Variants in GLYR1 observed in about 807,000 individuals in gnomAD.
GLYR1 encodes glyoxylate reductase 1 homolog, also known as cytokine-like nuclear factor N-PAC.
A neutral mutation model predicts 72.7 loss-of-function variants in GLYR1; 21 were observed. The observed-to-expected ratio is 0.29, with a 90% confidence interval of 0.20 to 0.42. GLYR1 has a LOEUF of 0.42. Among genes scored for constraint, GLYR1 ranks in the 10% least tolerant of loss-of-function variants. The pLI is 1.00. For synonymous variants in GLYR1, 392 were observed against 270.2 expected (o/e 1.45, Z -4.42); for missense variants, 594 against 712.1 (o/e 0.83, Z 1.89).
At chr16:4,822,759 C>T (rs11861487) in intron 7 of GLYR1, 116 bp downstream of exon 7, 116,979 of 836,862 alleles carry the variant, frequency 0.14, 9,379 homozygotes, top group East Asian at 0.23. Context: ...GGGCTAGTTG[C>T]TCTGGGCAAT....
intron 9 of GLYR1, 86 bp from the exon 10 acceptor site, chr16:4,817,783 T>C: frequency 2.4e-6 from 2 of 840,046 alleles, no homozygotes; most frequent in Non-Finnish European, 4.1e-6. Context: ...GCTCGCTCCC[T>C]TATACAGCTT....
intron 3 of GLYR1, among the ~76,000 whole-genome samples, chr16:4,842,667 T>G (rs1334793866): frequency 6.9e-6 from 1 of 145,682 alleles, no homozygotes; most frequent in African/African-American, 2.6e-5. Flanking sequence ...AGCCTAGAAT[T>G]AACAATTATC....
At chr16:4,835,391 T>C (rs1231150533) in intron 3 of GLYR1, among the ~76,000 whole-genome samples, 1 of 152,210 alleles carries the variant, frequency 6.6e-6, no homozygotes, top group African/African-American at 2.4e-5. Context: ...TACTAAAATT[T>C]TCCTCTTTAC....
At chr16:4,835,960 T>A (rs1485489635) in intron 3 of GLYR1, among the ~76,000 whole-genome samples, 3 of 152,192 alleles carry the variant, frequency 2.0e-5, no homozygotes, top group African/African-American at 7.2e-5. Flanking sequence ...ACTTCTTTCA[T>A]CTTTTTTAAA....
intron 3 of GLYR1, among the ~76,000 whole-genome samples, chr16:4,834,137 G>A (rs2084969630): frequency 6.6e-6 from 1 of 152,070 alleles, no homozygotes; most frequent in Non-Finnish European, 1.5e-5. Context: ...TTGTGATAAT[G>A]GGGTCTGTGC....
At chr16:4,823,057 C>G in intron 6 of GLYR1, 126 bp from the exon 7 acceptor site, 1 of 804,598 alleles carries the variant, frequency 1.2e-6, no homozygotes, top group Non-Finnish European at 2.1e-6. Flanking sequence ...TCACAATTGT[C>G]TGGAAACTCT....
At chr16:4,837,043 G>A (rs770752506) in intron 3 of GLYR1, among the ~76,000 whole-genome samples, 1 of 152,130 alleles carries the variant, frequency 6.6e-6, no homozygotes, top group Non-Finnish European at 1.5e-5. Flanking sequence ...ATACAGAACC[G>A]CCACTAAGGC....
chr16:4,841,765 A>G (rs1390520958), intron 3 of GLYR1, among the ~76,000 whole-genome samples: 3 of 152,186 alleles, frequency 2.0e-5, no homozygotes, highest in African/African-American at 7.2e-5. Context: ...TCATTTAGCT[A>G]ATGAAGTTTG....
At chr16:4,808,421 A>G (rs1244436662) in intron 15 of GLYR1, among the ~76,000 whole-genome samples, 3 of 151,802 alleles carry the variant, frequency 2.0e-5, no homozygotes, top group Non-Finnish European at 4.4e-5. Context: ...ACATGGTGAA[A>G]CCGTATCTCT....
chr16:4,845,173 A>G lies in GLYR1; in HGVS notation c.76-20T>C, dbSNP rs1466119433. On this transcript the variant is annotated intron_variant, in intron 2 of 15. Transcript: ENST00000321919. ...AACAATCTGGAGGATAAAAGGGGGG[A>G]AAAAGGTTGGCTGGCAACACAGCAG... 2 of 1,576,334 alleles carry G rather than the reference A, an allele frequency of 1.3e-6. No individual in the cohort carries two copies. The highest frequency in any genetic ancestry group is 1.1e-5 in the South Asian group (1 of 90,020).
At chr16:4,811,477 T>A in intron 14 of GLYR1, 146 bp downstream of exon 14, 1 of 1,247,814 alleles carries the variant, frequency 8.0e-7, no homozygotes, top group South Asian at 1.4e-5. Context: ...TATCCCCAAA[T>A]CCCGCCCACT....
intron 5 of GLYR1, among the ~76,000 whole-genome samples, chr16:4,830,050 T>C (rs558274708): frequency 9.2e-5 from 14 of 152,048 alleles, no homozygotes; most frequent in Admixed American, 2.0e-4. Context: ...GGGATCCTCC[T>C]GCACTGGCCT....
intron 15 of GLYR1, among the ~76,000 whole-genome samples, chr16:4,809,976 G>A (rs1479632353): frequency 6.6e-6 from 1 of 151,874 alleles, no homozygotes; most frequent in Non-Finnish European, 1.5e-5. Context: ...CCAATACAGG[G>A]CAGGGCATGT....
At chr16:4,828,875 C>T (rs1455474468) in intron 5 of GLYR1, among the ~76,000 whole-genome samples, 1 of 152,052 alleles carries the variant, frequency 6.6e-6, no homozygotes. Flanking sequence ...TTCCCTTTAT[C>T]CAACGAGAAG....
rs111769921 is a variant in GLYR1, at chr16:4,813,970, A to G, written c.1018-132T>C. ...ATTTCTATCAGCTGAAAAGGGAAGA[A>G]CAATGAAATAAGCAAGGGATAGAAA... On this transcript the variant is annotated intron_variant, in intron 11 of 15. Coordinates refer to ENST00000321919, the MANE Select transcript of GLYR1 (RefSeq NM_032569.4). The G allele has an allele frequency of 3.3e-3, 2,073 of 630,804 alleles. 11 individuals are homozygous for G. Among genetic ancestry groups the G allele is most frequent in the South Asian group, 7.7e-3 (351 of 45,782 alleles). The allele number at this position is 630,804 out of a possible 1,614,324, so 39.1% of individuals were successfully genotyped here.
At chr16:4,832,521 C>G in intron 4 of GLYR1, 2 of 575,908 alleles carry the variant, frequency 3.5e-6, no homozygotes, top group South Asian at 5.0e-5. Context: ...ATGGCCTGTG[C>G]TAGACTCAAA....
intron 3 of GLYR1, among the ~76,000 whole-genome samples, chr16:4,843,156 A>G (rs1251352176): frequency 1.3e-5 from 2 of 152,266 alleles, no homozygotes; most frequent in East Asian, 1.9e-4. Context: ...GCATGAGGAC[A>G]ATCTTTCCTG....
At chr16:4,842,168 C>T (rs920013117) in intron 3 of GLYR1, among the ~76,000 whole-genome samples, 3 of 150,446 alleles carry the variant, frequency 2.0e-5, no homozygotes, top group East Asian at 2.0e-4. Context: ...GGCATGAACC[C>T]GGGAGGTGGA....
chr16:4,819,910 G>A (rs1243437377), intron 9 of GLYR1, among the ~76,000 whole-genome samples: 3 of 152,186 alleles, frequency 2.0e-5, no homozygotes, highest in Non-Finnish European at 4.4e-5. Flanking sequence ...TATTTGGGTA[G>A]TACAATATTC....
Sources: gnomAD v4.1 joint callset for allele counts (sites outside exome capture counted in the v4.1 genomes callset) on GRCh38, gnomAD v4.1.1 for gene constraint, MANE v1.5 for transcripts, NCBI Gene and HGNC (gene_info 2026-07-23, HGNC 2026-07-21) for gene names.